NPAS2: variants seen among roughly 807,000 people sequenced by gnomAD.
NPAS2 encodes the protein neuronal PAS domain-containing protein 2.
In NPAS2, 23 loss-of-function variants were observed where a neutral mutation model predicts 107.5. The ratio of observed to expected loss-of-function variants is 0.21; its 90% CI spans 0.15 to 0.30. The LOEUF is 0.30. Among genes scored for constraint, NPAS2 ranks in the 10% least tolerant of loss-of-function variants. The pLI, the probability that NPAS2 is intolerant of heterozygous loss-of-function variation, is 1.00. For synonymous variants in NPAS2, 403 were observed against 417.5 expected (o/e 0.97, Z 0.42); for missense variants, 756 against 1,043.3 (o/e 0.72, Z 3.79).
intron 15 of NPAS2, among the ~76,000 whole-genome samples, chr2:100,979,773 G>A (rs999327255): frequency 2.0e-5 from 3 of 151,796 alleles, no homozygotes; most frequent in African/African-American, 2.4e-5. Flanking sequence ...CAGGTGATCC[G>A]CCCACCTCAA....
intron 12 of NPAS2, among the ~76,000 whole-genome samples, chr2:100,974,294 G>T (rs1676810206): frequency 6.6e-6 from 1 of 152,186 alleles, no homozygotes; most frequent in South Asian, 2.1e-4. Flanking sequence ...AGGAGCGAGA[G>T]GTCGAAAGAC....
In NPAS2 at chr2:100,961,744, T is replaced by A. The variant is rs114098941; in HGVS notation, c.599-2314T>A. On this transcript the variant is annotated intron_variant, in intron 7 of 20. Transcript: ENST00000335681. ...TTCACAATCTTTTTCTGTCCCCTTCTCCTCATCACAGTGAATCAGGGGAAG... is the reference window on the plus strand; with the variant it reads ...TTCACAATCTTTTTCTGTCCCCTTCACCTCATCACAGTGAATCAGGGGAAG... 5.8e-3 allele frequency among the ~76,000 whole-genome samples: 883 copies of A among 152,284 alleles called. 5 individuals carry two copies. The highest frequency in any genetic ancestry group is 0.019 in the African/African-American group (793 of 41,556).
chr2:100,973,930 C>T (rs1676777482), intron 12 of NPAS2, among the ~76,000 whole-genome samples: 1 of 152,224 alleles, frequency 6.6e-6, no homozygotes, highest in African/African-American at 2.4e-5. Flanking sequence ...CAACCTCTGC[C>T]TCCGAAGTTC....
intron 1 of NPAS2, among the ~76,000 whole-genome samples, chr2:100,857,029 G>A (rs746563407): frequency 6.5e-4 from 99 of 152,294 alleles, no homozygotes; most frequent in Non-Finnish European, 1.3e-3. Context: ...TTCCTGGCCG[G>A]GCACAGTGGC....
chr2:100,965,209 C>T lies in NPAS2; in HGVS notation c.800+266C>T, dbSNP rs1558918451. On this transcript the variant is annotated intron_variant, in intron 9 of 20. Coordinates refer to ENST00000335681, the MANE Select transcript of NPAS2 (RefSeq NM_002518.4). The surrounding 1 kb of genome is among the most constrained non-coding windows in gnomAD (Gnocchi z 4.3). ...CTCACTTGAGGCCCTTCCCGGCTCC[C>T]AGTAAGGCAGCAGCAAGTGTGAGAG... Among the ~76,000 whole-genome samples, 1 of 152,214 alleles carries T rather than the reference C, an allele frequency of 6.6e-6. No homozygotes were observed. The highest frequency in any genetic ancestry group is 2.1e-4 in the South Asian group (1 of 4,834).
intron 5 of NPAS2, among the ~76,000 whole-genome samples, chr2:100,939,614 T>C (rs1026086427): frequency 2.6e-5 from 4 of 152,156 alleles, no homozygotes; most frequent in Non-Finnish European, 5.9e-5. Flanking sequence ...TTGTGTTTTG[T>C]ATTGAATGGC....
Position 100,975,279 on chromosome 2 carries a change from T to G in NPAS2, c.1283-179T>G, listed in dbSNP as rs563776798. 4 of 637,758 alleles carry G rather than the reference T, an allele frequency of 6.3e-6. No individual in the cohort carries two copies. In the East Asian group the frequency reaches 8.3e-5, roughly 13 times the overall value. The allele number at this position is 637,758 out of a possible 1,614,324, so 39.5% of individuals were successfully genotyped here. On this transcript the variant is annotated intron_variant, in intron 13 of 20. Transcript: ENST00000335681. ...AAGTTTAGGGAGTGTTTGTGGTGTCTCCTACCTGCTCCCAGGCTGGGCTTC... is the reference window on the plus strand; with the variant it reads ...AAGTTTAGGGAGTGTTTGTGGTGTCGCCTACCTGCTCCCAGGCTGGGCTTC...
chr2:100,957,423 G>C (rs1675634349), intron 7 of NPAS2, among the ~76,000 whole-genome samples: 1 of 152,212 alleles, frequency 6.6e-6, no homozygotes, highest in African/African-American at 2.4e-5. Context: ...AGCTTAACAA[G>C]ATGATTTTAT....
At chr2:100,871,329 G>GTTTTT (rs5832938) in intron 1 of NPAS2, among the ~76,000 whole-genome samples, 2 of 127,554 alleles carry the variant, frequency 1.6e-5, no homozygotes, top group African/African-American at 5.9e-5. Context: ...CTTCTTCCTT[G>GTTTTT]TTTTTTTTTT....
intron 1 of NPAS2, among the ~76,000 whole-genome samples, chr2:100,829,045 A>G (rs1282865570): frequency 1.3e-5 from 2 of 152,050 alleles, no homozygotes; most frequent in African/African-American, 4.8e-5. Flanking sequence ...ATGTTTCTCC[A>G]TTTGTTTCTG....
chr2:100,941,399 C>CA (rs1336449986), intron 5 of NPAS2, among the ~76,000 whole-genome samples: 1 of 151,982 alleles, frequency 6.6e-6, no homozygotes, highest in African/African-American at 2.4e-5. Flanking sequence ...CCCGTCTCTA[C>CA]AAAAAATCCA....
intron 5 of NPAS2, among the ~76,000 whole-genome samples, chr2:100,946,073 T>C (rs1674878066): frequency 6.6e-6 from 1 of 152,350 alleles, no homozygotes; most frequent in Middle Eastern, 3.4e-3. Flanking sequence ...AACGTTACTG[T>C]GGTGCAGGTG....
chr2:100,854,190 G>T (rs985643644), intron 1 of NPAS2, among the ~76,000 whole-genome samples: 11 of 146,452 alleles, frequency 7.5e-5, no homozygotes, highest in Non-Finnish European at 1.7e-4. Context: ...AAAAGATGGA[G>T]TCCTGCCTTT....
chr2:100,993,588 C>T (rs1211950324), intron 20 of NPAS2, 61 bp downstream of exon 20: 3 of 1,279,418 alleles, frequency 2.3e-6, no homozygotes, highest in Non-Finnish European at 3.1e-6. Context: ...CGCTCCACAC[C>T]CGAAGTCTCA....
At chr2:100,894,375 C>T (rs75077853) in intron 1 of NPAS2, among the ~76,000 whole-genome samples, 2 of 152,118 alleles carry the variant, frequency 1.3e-5, no homozygotes, top group Admixed American at 1.3e-4. Flanking sequence ...TAGTTATGAG[C>T]GGCTCAGGGT....
At chr2:100,877,286 A>C (rs1680029654) in intron 1 of NPAS2, among the ~76,000 whole-genome samples, 1 of 152,018 alleles carries the variant, frequency 6.6e-6, no homozygotes. Context: ...AACACAGTGA[A>C]ACCCCGCCTC....
Position 100,881,001 on chromosome 2 carries a change from G to A in NPAS2, c.-22-23732G>A, listed in dbSNP as rs528719477. Reference sequence around the variant, plus strand: ...TCGGGTGCTGCACTCAACCCCGAGAGCAGCAGTTCTCACCCCGAGGACACG... The same window carrying A: ...TCGGGTGCTGCACTCAACCCCGAGAACAGCAGTTCTCACCCCGAGGACACG... On this transcript the variant is annotated intron_variant, in intron 1 of 20. Transcript: ENST00000335681. Among the ~76,000 whole-genome samples, 37 of 152,326 alleles carry A rather than the reference G, an allele frequency of 2.4e-4. 1 individual carries two copies. Among genetic ancestry groups the A allele is most frequent in the African/African-American group, 8.7e-4 (36 of 41,572 alleles).
intron 3 of NPAS2, among the ~76,000 whole-genome samples, chr2:100,928,892 G>C (rs935590222): frequency 6.6e-6 from 1 of 152,160 alleles, no homozygotes; most frequent in African/African-American, 2.4e-5. Context: ...TCTACATAGA[G>C]CTCCTCTTCA....
intron 1 of NPAS2, among the ~76,000 whole-genome samples, chr2:100,896,803 T>A (rs936241542): frequency 2.0e-5 from 3 of 152,152 alleles, no homozygotes; most frequent in African/African-American, 7.2e-5. Flanking sequence ...TGGCCCTGGC[T>A]TTGTCCTTCC....
Sources: gnomAD v4.1 joint callset for allele counts (sites outside exome capture counted in the v4.1 genomes callset) on GRCh38, gnomAD v4.1.1 for gene constraint, Gnocchi (gnomAD v3.1) non-coding constraint, MANE v1.5 for transcripts, NCBI Gene and HGNC (gene_info 2026-07-23, HGNC 2026-07-21) for gene names.